Variants in EXOC6B observed in about 807,000 individuals in gnomAD.
EXOC6B encodes the protein exocyst complex component 6B, also known as SEC15 homolog B.
Under a neutral mutation model 113.5 loss-of-function variants are expected in EXOC6B, and 54 were observed. That is an observed-to-expected ratio of 0.48 (90% CI 0.38 to 0.60). The LOEUF is 0.60. Ranked by LOEUF, EXOC6B falls within the 20% of genes least tolerant of loss-of-function variation. The pLI is 0.00. For missense variants in EXOC6B, 797 were observed against 977.5 expected (o/e 0.82, Z 2.46); for synonymous variants, 357 against 339.0 (o/e 1.05, Z -0.58).
At chr2:72,471,638 A>G (rs1698417710) in intron 17 of EXOC6B, among the ~76,000 whole-genome samples, 1 of 152,168 alleles carries the variant, frequency 6.6e-6, no homozygotes, top group South Asian at 2.1e-4. Context: ...GAAAGATCGT[A>G]TCATCAGCAA....
At chr2:72,631,413 T>C (rs1258714380) in intron 6 of EXOC6B, among the ~76,000 whole-genome samples, 1 of 8,490 alleles carries the variant, frequency 1.2e-4, no homozygotes, top group Non-Finnish European at 2.4e-4. Context: ...TATATGTGTG[T>C]GTGTGTGTGT....
At chr2:72,736,205 AAC>A (rs199939199) in intron 2 of EXOC6B, among the ~76,000 whole-genome samples, 85 of 149,382 alleles carry the variant, frequency 5.7e-4, no homozygotes, top group African/African-American at 2.1e-3. Context: ...AAAAAAAAAA[AAC>A]AAAACAATAA....
chr2:72,340,336 C>A (rs558201401), intron 19 of EXOC6B, among the ~76,000 whole-genome samples: 12 of 152,142 alleles, frequency 7.9e-5, no homozygotes, highest in African/African-American at 2.9e-4. Context: ...TTTTCTAAAT[C>A]TTTGCAAAAT....
intron 8 of EXOC6B, among the ~76,000 whole-genome samples, 157 bp downstream of exon 8, chr2:72,559,296 G>A (rs906980903): frequency 7.2e-5 from 11 of 152,222 alleles, no homozygotes; most frequent in East Asian, 1.9e-4. Context: ...AAAAACATGA[G>A]ATTCAAAATT....
chr2:72,711,115 T>C (rs1189182280), intron 6 of EXOC6B, among the ~76,000 whole-genome samples: 7 of 151,982 alleles, frequency 4.6e-5, no homozygotes, highest in Non-Finnish European at 1.0e-4. Context: ...CCATAATAAG[T>C]GAAATCCAGA....
chr2:72,654,160 CG>C (rs1674425071), intron 6 of EXOC6B, among the ~76,000 whole-genome samples: 1 of 151,912 alleles, frequency 6.6e-6, no homozygotes, highest in South Asian at 2.1e-4. Context: ...TTAGTAGAGA[CG>C]GGGTTTCACC....
chr2:72,597,952 A>T (rs576675384), intron 6 of EXOC6B, among the ~76,000 whole-genome samples: 1 of 152,144 alleles, frequency 6.6e-6, no homozygotes, highest in African/African-American at 2.4e-5. Flanking sequence ...GCAAAAACTG[A>T]CAGAACTTCA....
intron 20 of EXOC6B, among the ~76,000 whole-genome samples, chr2:72,324,088 C>G (rs969488559): frequency 2.6e-5 from 4 of 151,666 alleles, no homozygotes; most frequent in East Asian, 1.9e-4. Flanking sequence ...AAGAGCCCCA[C>G]AAAATAAACA....
chr2:72,179,064 TG>T lies in EXOC6B; in HGVS notation c.*270del, dbSNP rs1677917700. ...ATGGATGAAAGGTGGTTCATCACTGTGGAATTGATGATACCACCATCTCTAA... is the reference window on the plus strand; with the variant it reads ...ATGGATGAAAGGTGGTTCATCACTGTGAATTGATGATACCACCATCTCTAA... On this transcript the variant is annotated 3_prime_UTR_variant, in exon 22 of 22. Transcript: ENST00000272427. 2 of 371,358 alleles carry T rather than the reference TG, an allele frequency of 5.4e-6. No individual in the cohort carries two copies. The highest frequency in any genetic ancestry group is 8.5e-5 in the Admixed American group (2 of 23,440). 23.0% of individuals were successfully genotyped at this position (371,358 alleles called of 1,614,324 possible). A position where few individuals can be genotyped will look rare whatever the true frequency, so the allele number is the denominator to read the frequency against.
chr2:72,678,019 A>T lies in EXOC6B; in HGVS notation c.669+40084T>A, dbSNP rs183743815. On this transcript the variant is annotated intron_variant, in intron 6 of 21. Coordinates refer to ENST00000272427, the MANE Select transcript of EXOC6B (RefSeq NM_015189.3). ...GACTCTCTAGATTTAATTAAAAAAAAATATTTAAAAGAATAACAAACATGT... is the reference window on the plus strand; with the variant it reads ...GACTCTCTAGATTTAATTAAAAAAATATATTTAAAAGAATAACAAACATGT... Among the ~76,000 whole-genome samples the T allele has an allele frequency of 1.2e-4, 19 of 152,306 alleles. No individual in the cohort carries two copies. The East Asian group carries it at 2.3e-3, about 19-fold the overall frequency.
At chr2:72,607,870 G>A (rs558361755) in intron 6 of EXOC6B, among the ~76,000 whole-genome samples, 1 of 152,138 alleles carries the variant, frequency 6.6e-6, no homozygotes, top group South Asian at 2.1e-4. Context: ...CAAAATGAAA[G>A]GAGTAAGTAT....
intron 20 of EXOC6B, among the ~76,000 whole-genome samples, chr2:72,224,565 G>A (rs1006838349): frequency 6.6e-6 from 1 of 152,136 alleles, no homozygotes; most frequent in Non-Finnish European, 1.5e-5. Flanking sequence ...GAATCTTCTT[G>A]GAGAGAAAAG....
At chr2:72,458,697 T>C (rs1048060442) in intron 18 of EXOC6B, among the ~76,000 whole-genome samples, 1 of 152,040 alleles carries the variant, frequency 6.6e-6, no homozygotes, top group African/African-American at 2.4e-5. Context: ...AAACCTCAAT[T>C]AGTTATTTAC....
chr2:72,265,193 G>A (rs1170076548), intron 20 of EXOC6B, among the ~76,000 whole-genome samples: 3 of 151,910 alleles, frequency 2.0e-5, no homozygotes, highest in Non-Finnish European at 4.4e-5. Context: ...AGATGGAGAT[G>A]AGGAACTTCT....
intron 20 of EXOC6B, among the ~76,000 whole-genome samples, chr2:72,291,708 C>T (rs1352793574): frequency 6.6e-6 from 1 of 152,124 alleles, no homozygotes; most frequent in African/African-American, 2.4e-5. Context: ...CAGTCTCTCA[C>T]TGAGAAAAGC....
chr2:72,439,068 T>G (rs1696044324), intron 18 of EXOC6B, among the ~76,000 whole-genome samples: 1 of 152,200 alleles, frequency 6.6e-6, no homozygotes. Flanking sequence ...GTATCTTACT[T>G]AATTCTGTGT....
At chr2:72,603,071 T>C (rs917292515) in intron 6 of EXOC6B, among the ~76,000 whole-genome samples, 13 of 26,936 alleles carry the variant, frequency 4.8e-4, no homozygotes, top group Non-Finnish European at 1.1e-3. Context: ...TACGGACAGA[T>C]GGTTTTTTTT....
chr2:72,475,516 A>G (rs922418700), intron 17 of EXOC6B, among the ~76,000 whole-genome samples: 8 of 152,138 alleles, frequency 5.3e-5, no homozygotes, highest in African/African-American at 1.9e-4. Flanking sequence ...CCAACTGTGG[A>G]GGACAGGGCT....
At chr2:72,615,115 T>G (rs1489588846) in intron 6 of EXOC6B, among the ~76,000 whole-genome samples, 2 of 152,102 alleles carry the variant, frequency 1.3e-5, no homozygotes, top group African/African-American at 4.8e-5. Flanking sequence ...GGAAAAGCTG[T>G]GCTCATATCT....
Sources: gnomAD v4.1 joint callset for allele counts (sites outside exome capture counted in the v4.1 genomes callset) on GRCh38, gnomAD v4.1.1 for gene constraint, MANE v1.5 for transcripts, NCBI Gene and HGNC (gene_info 2026-07-23, HGNC 2026-07-21) for gene names.